CA10: variants seen among roughly 807,000 people sequenced by gnomAD.
CA10 encodes carbonic anhydrase 10 (inactive).
CA10 carries 14 observed loss-of-function variants against 44.2 expected under a neutral mutation model. The observed-to-expected ratio is 0.32, with a 90% CI of 0.21 to 0.50. CA10 has a LOEUF of 0.50. Among genes scored for constraint, CA10 ranks in the 20% least tolerant of loss-of-function variants. The pLI, the probability that CA10 is intolerant of heterozygous loss-of-function variation, is 0.99. For synonymous variants in CA10, 159 were observed against 141.6 expected, an observed-to-expected ratio of 1.12 and a Z score of -0.87; for missense variants, 350 against 409.7, an observed-to-expected ratio of 0.85 and a Z score of 1.26.
At chr17:52,047,477 T>C (rs1986944431) in intron 2 of CA10, among the ~76,000 whole-genome samples, 1 of 152,040 alleles carries the variant, frequency 6.6e-6, no homozygotes, top group East Asian at 1.9e-4. Context: ...TAAAAGACTA[T>C]AAGGTTTTCA....
chr17:51,726,002 A>G (rs1916507295), intron 4 of CA10, among the ~76,000 whole-genome samples: 1 of 152,112 alleles, frequency 6.6e-6, no homozygotes, highest in South Asian at 2.1e-4. Context: ...GAGTGAAAGT[A>G]GTGATGCTGG....
chr17:52,001,139 A>G (rs1985410732), intron 2 of CA10, among the ~76,000 whole-genome samples: 1 of 151,996 alleles, frequency 6.6e-6, no homozygotes, highest in Non-Finnish European at 1.5e-5. Context: ...ACTATGGTCC[A>G]TGGGTCAAAT....
At chr17:51,717,658 T>TATATATGCACATATATGTATATATAC (rs1916170971) in intron 4 of CA10, among the ~76,000 whole-genome samples, 1 of 28,664 alleles carries the variant, frequency 3.5e-5, no homozygotes, top group Non-Finnish European at 8.6e-5. Context: ...CATATATACG[T>TATATATGCACATATATGTATATATAC]ATATATACAT....
At chr17:51,943,774 C>A (rs1313319041) in intron 2 of CA10, among the ~76,000 whole-genome samples, 1 of 152,120 alleles carries the variant, frequency 6.6e-6, no homozygotes, top group Admixed American at 6.5e-5. Flanking sequence ...TAGGAGAAAC[C>A]AGCTGATGAA....
chr17:51,747,847 A>G (rs1364153019), intron 3 of CA10, 29 bp from the exon 4 acceptor site: 2 of 1,566,448 alleles, frequency 1.3e-6, no homozygotes, highest in African/African-American at 1.4e-5. Flanking sequence ...CAGGTCAAGC[A>G]AGGCCCTCCT....
intron 3 of CA10, among the ~76,000 whole-genome samples, chr17:51,821,768 A>T (rs150070130): frequency 1.3e-5 from 2 of 152,046 alleles, no homozygotes; most frequent in African/African-American, 4.8e-5. Context: ...CCTGAAGACT[A>T]CTTAATACCA....
intron 2 of CA10, among the ~76,000 whole-genome samples, chr17:52,015,220 C>G (rs986637481): frequency 3.9e-5 from 6 of 151,970 alleles, no homozygotes; most frequent in African/African-American, 1.4e-4. Flanking sequence ...AAGAACAAAA[C>G]CTCTGAGACA....
At chr17:51,806,944 T>C (rs1907162465) in intron 3 of CA10, among the ~76,000 whole-genome samples, 1 of 152,192 alleles carries the variant, frequency 6.6e-6, no homozygotes, top group Non-Finnish European at 1.5e-5. Flanking sequence ...TGTGGTCTTG[T>C]TGAAGGAAGC....
intron 4 of CA10, among the ~76,000 whole-genome samples, chr17:51,711,465 G>A (rs1473804425): frequency 6.6e-6 from 1 of 152,156 alleles, no homozygotes; most frequent in Admixed American, 6.5e-5. Context: ...GGCCCAATCT[G>A]AATGAGTGAA....
At chr17:52,059,933 A>C (rs1443517635) in intron 2 of CA10, among the ~76,000 whole-genome samples, 2 of 152,204 alleles carry the variant, frequency 1.3e-5, no homozygotes, top group African/African-American at 4.8e-5. Context: ...GTCCAATTCG[A>C]GAAATACTAC....
rs572229901 is a variant in CA10 at position 52,096,612 on chromosome 17, C to A, written c.62-24219G>T. 3.3e-5 allele frequency among the ~76,000 whole-genome samples: 5 copies of A among 152,220 alleles called. No individual in the cohort carries two copies. In the South Asian group the frequency reaches 6.2e-4, roughly 19 times the overall value. On this transcript the variant is annotated intron_variant, in intron 1 of 8. Transcript: ENST00000451037. ...AGCTCAGGCAATAACATAATAGACACCAATGTCTCAAATATCCTTCTGGAA... is the reference window on the plus strand; with the variant it reads ...AGCTCAGGCAATAACATAATAGACAACAATGTCTCAAATATCCTTCTGGAA...
chr17:51,996,993 T>C (rs1324549531), intron 2 of CA10, among the ~76,000 whole-genome samples: 1 of 152,100 alleles, frequency 6.6e-6, no homozygotes, highest in African/African-American at 2.4e-5. Flanking sequence ...CCAACAGATG[T>C]AGGCTAGGGG....
At chr17:51,681,570 C>G (rs1157283254) in intron 4 of CA10, among the ~76,000 whole-genome samples, 2 of 152,166 alleles carry the variant, frequency 1.3e-5, no homozygotes, top group Non-Finnish European at 2.9e-5. Context: ...GTAGCACCCC[C>G]AGTCATGACA....
At chr17:51,996,242 C>A (rs999165184) in intron 2 of CA10, among the ~76,000 whole-genome samples, 6 of 152,012 alleles carry the variant, frequency 3.9e-5, no homozygotes, top group Admixed American at 3.9e-4. Flanking sequence ...TTCATGGTGT[C>A]ATCATCCATC....
intron 4 of CA10, among the ~76,000 whole-genome samples, chr17:51,743,956 C>T (rs1904565311): frequency 6.6e-6 from 1 of 152,124 alleles, no homozygotes; most frequent in African/African-American, 2.4e-5. Context: ...AAAAGTTAAC[C>T]TTCAGGGTGA....
chr17:51,978,503 G>T (rs887983480), intron 2 of CA10, among the ~76,000 whole-genome samples: 1 of 151,204 alleles, frequency 6.6e-6, no homozygotes, highest in Admixed American at 6.6e-5. Context: ...TATTCATATA[G>T]GAAAAAATAA....
rs145720908 is a variant in CA10 at position 51,674,713 on chromosome 17, G to A, written c.466-20977C>T. The stretch of plus-strand genomic sequence containing the variant: ...TGGTAAATTGGCACAATAAATCTGG[G>A]GGGACCACCTCTATTTCCAGCAGTT... On this transcript the variant is annotated intron_variant, in intron 4 of 8. Coordinates refer to ENST00000451037, the MANE Select transcript of CA10 (RefSeq NM_020178.5). Among the ~76,000 whole-genome samples, 901 of 152,148 alleles carry A rather than the reference G, an allele frequency of 5.9e-3. 7 individuals carry two copies. Among genetic ancestry groups the A allele is most frequent in the African/African-American group, 0.02 (837 of 41,500 alleles).
chr17:52,048,882 G>A (rs1380157620), intron 2 of CA10, among the ~76,000 whole-genome samples: 1 of 151,896 alleles, frequency 6.6e-6, no homozygotes, highest in Non-Finnish European at 1.5e-5. Context: ...GGTCATTGAA[G>A]GTTTTCGATC....
rs35375219 is a variant in CA10 at position 52,140,497 on chromosome 17, T to C, written c.61+17229A>G. Among the ~76,000 whole-genome samples, 1,321 of 152,346 alleles carry C rather than the reference T, an allele frequency of 8.7e-3. 8 individuals are homozygous for C. Among genetic ancestry groups the C allele is most frequent in the Non-Finnish European group, 0.014 (964 of 68,032 alleles). On this transcript the variant is annotated intron_variant, in intron 1 of 8. Coordinates refer to ENST00000451037, the MANE Select transcript of CA10 (RefSeq NM_020178.5). ...AAAATTTGTTTTCATATAATTTTCA[T>C]GTGTCATGAAATATATTATTTCCTC... is the stretch of plus-strand genomic sequence containing the variant.
Sources: allele counts gnomAD v4.1 joint callset (sites outside exome capture counted in the v4.1 genomes callset), GRCh38; gene constraint gnomAD v4.1.1; transcripts MANE v1.5; gene names NCBI Gene and HGNC (gene_info 2026-07-23, HGNC 2026-07-21).